Variants in KYAT3 observed in about 807,000 individuals in gnomAD.
KYAT3 encodes kynurenine--oxoglutarate transaminase 3.
Under a neutral mutation model 59.0 loss-of-function variants are expected in KYAT3, and 50 were observed. The observed-to-expected ratio is 0.85, with a 90% CI of 0.68 to 1.07. The LOEUF is 1.07. Among genes scored for constraint, KYAT3 ranks in the 50% least tolerant of loss-of-function variants. The pLI is 0.00. For missense variants in KYAT3, 497 were observed against 533.3 expected, an observed-to-expected ratio of 0.93 and a Z score of 0.67; for synonymous variants, 148 against 177.0, an observed-to-expected ratio of 0.84 and a Z score of 1.30.
At chr1:88,977,989 G>T (rs1274524140) in intron 2 of KYAT3, among the ~76,000 whole-genome samples, 1 of 152,122 alleles carries the variant, frequency 6.6e-6, no homozygotes, top group Non-Finnish European at 1.5e-5. Context: ...CTAGGTTTGT[G>T]TAAGTGCACT....
chr1:88,936,174 C>T lies in KYAT3; in HGVS notation c.*9G>A. The T allele has an allele frequency of 1.3e-6, 2 of 1,596,248 alleles. No homozygotes were observed. The highest frequency in any genetic ancestry group is 1.7e-6 in the Non-Finnish European group (2 of 1,165,316). ...CATCTAACAGAAACATTAATCCATT[C>T]TGCACAAATCAAGACTTCTGTACAC... On this transcript the variant is annotated 3_prime_UTR_variant, in exon 14 of 14. Coordinates refer to ENST00000260508, the MANE Select transcript of KYAT3 (RefSeq NM_001008661.3).
At chr1:88,949,065 T>C (rs761808052) in intron 11 of KYAT3, 26 bp downstream of exon 11, 34 of 1,478,420 alleles carry the variant, frequency 2.3e-5, no homozygotes, top group Non-Finnish European at 3.1e-5. Flanking sequence ...TTCCGTATAG[T>C]TGAAATAATA....
At chr1:88,968,624 A>G (rs1676433241) in intron 4 of KYAT3, 46 bp downstream of exon 4, 1 of 1,434,416 alleles carries the variant, frequency 7.0e-7, no homozygotes, top group African/African-American at 1.5e-5. Context: ...CACACACCCC[A>G]GTATAAAATA....
At chr1:88,983,710 C>G in intron 2 of KYAT3, 1 of 1,613,954 alleles carries the variant, frequency 6.2e-7, no homozygotes, top group Non-Finnish European at 8.5e-7. Flanking sequence ...GGTCTTTTAT[C>G]AAGAGTACTT....
chr1:88,929,746 A>T, the KYAT3 span, among the ~76,000 whole-genome samples: 1 of 152,244 alleles, frequency 6.6e-6, no homozygotes, highest in Non-Finnish European at 1.5e-5. Context: ...GGTTAAAATT[A>T]TCCAAAGGCA....
At chr1:88,983,724 C>T in intron 2 of KYAT3, 2 of 1,614,042 alleles carry the variant, frequency 1.2e-6, no homozygotes, top group Non-Finnish European at 1.7e-6. Flanking sequence ...AGTACTTCCA[C>T]TATTCGTCCA....
At chr1:88,951,591 A>G (rs1273433560) in intron 10 of KYAT3, among the ~76,000 whole-genome samples, 1 of 151,612 alleles carries the variant, frequency 6.6e-6, no homozygotes, top group African/African-American at 2.4e-5. Context: ...CATTTTGATT[A>G]TCCATAGAAT....
downstream of KYAT3, among the ~76,000 whole-genome samples, chr1:88,931,396 GA>G (rs1674903808): frequency 6.6e-6 from 1 of 152,142 alleles, no homozygotes; most frequent in Non-Finnish European, 1.5e-5. Context: ...ATCTACTGCG[GA>G]CCCCTGGACC....
chr1:88,955,246 G>T, intron 8 of KYAT3, 21 bp from the exon 9 acceptor site: 7 of 1,440,714 alleles, frequency 4.9e-6, no homozygotes, highest in South Asian at 1.2e-5. Flanking sequence ...GAGGAAAAAA[G>T]GGTAAATATT....
At chr1:88,926,090 T>C in the KYAT3 span, among the ~76,000 whole-genome samples, 1 of 152,244 alleles carries the variant, frequency 6.6e-6, no homozygotes, top group South Asian at 2.1e-4. Context: ...AATTAGCCTT[T>C]AGAGGAAACC....
chr1:88,947,920 C>T (rs575556696), intron 11 of KYAT3, among the ~76,000 whole-genome samples: 9 of 152,078 alleles, frequency 5.9e-5, no homozygotes, highest in African/African-American at 4.8e-5. Flanking sequence ...GGCAAAACCT[C>T]GTCTCTAAAA....
At chr1:88,936,390 C>T (rs1675039560) in intron 13 of KYAT3, 145 bp from the exon 14 acceptor site, 1 of 609,734 alleles carries the variant, frequency 1.6e-6, no homozygotes, top group African/African-American at 1.8e-5. Flanking sequence ...AAAGCAAAAG[C>T]AGAACCCAAA....
downstream of KYAT3, among the ~76,000 whole-genome samples, chr1:88,931,441 T>C (rs578063801): frequency 7.9e-5 from 12 of 152,218 alleles, no homozygotes; most frequent in Non-Finnish European, 1.3e-4. Flanking sequence ...GTTAATGACA[T>C]TGAAGGCACC....
intron 11 of KYAT3, 73 bp downstream of exon 11, chr1:88,949,018 T>G: frequency 7.7e-7 from 1 of 1,290,872 alleles, no homozygotes; most frequent in Non-Finnish European, 1.0e-6. Flanking sequence ...GACACCAATC[T>G]TTTCTCCATA....
intron 10 of KYAT3, among the ~76,000 whole-genome samples, chr1:88,949,601 G>C (rs1226407123): frequency 6.6e-6 from 1 of 152,180 alleles, no homozygotes; most frequent in Non-Finnish European, 1.5e-5. Flanking sequence ...GTTGTAGAAT[G>C]ACTTGCTAAA....
intron 11 of KYAT3, among the ~76,000 whole-genome samples, chr1:88,944,307 A>C (rs1370059929): frequency 6.6e-6 from 1 of 152,214 alleles, no homozygotes; most frequent in Non-Finnish European, 1.5e-5. Context: ...TACATTAAAT[A>C]CTAGTGGTTC....
downstream of KYAT3, chr1:88,935,732 G>A (rs1213606997): frequency 2.9e-6 from 1 of 340,568 alleles, no homozygotes; most frequent in Non-Finnish European, 5.3e-6. Context: ...GTTGAGGGGT[G>A]GAACTGGTTA....
chr1:88,927,664 C>T, the KYAT3 span, among the ~76,000 whole-genome samples: 17 of 152,044 alleles, frequency 1.1e-4, no homozygotes, highest in Non-Finnish European at 2.5e-4. Context: ...GATTATGCCC[C>T]CTCCAAGCAG....
intron 3 of KYAT3, 48 bp from the exon 4 acceptor site, chr1:88,968,862 G>T: frequency 7.0e-7 from 1 of 1,425,880 alleles, no homozygotes; most frequent in Non-Finnish European, 9.5e-7. Context: ...CAATTATAAA[G>T]TTCGCTTTTT....
Sources: allele counts gnomAD v4.1 joint callset (sites outside exome capture counted in the v4.1 genomes callset), GRCh38; gene constraint gnomAD v4.1.1; transcripts MANE v1.5; gene names NCBI Gene and HGNC (gene_info 2026-07-23, HGNC 2026-07-21).